Variants in FOXP1 observed in about 807,000 individuals in gnomAD.
The protein encoded by FOXP1 is forkhead box protein P1.
A neutral mutation model predicts 98.2 loss-of-function variants in FOXP1; 15 were observed. The ratio of observed to expected loss-of-function variants is 0.15; its 90% CI spans 0.10 to 0.24. FOXP1 has a LOEUF of 0.24. FOXP1 is among the 10% of genes least tolerant of loss of function. The pLI, the probability that FOXP1 is intolerant of heterozygous loss-of-function variation, is 1.00. For missense variants in FOXP1, 633 were observed against 848.5 expected (o/e 0.75, Z 3.15); for synonymous variants, 371 against 314.5 (o/e 1.18, Z -1.90).
chr3:71,488,421 G>A (rs1334095755), intron 3 of FOXP1, among the ~76,000 whole-genome samples: 1 of 152,168 alleles, frequency 6.6e-6, no homozygotes, highest in East Asian at 1.9e-4. Flanking sequence ...CTGGGGTGGG[G>A]GTGTGGAGGT....
chr3:71,175,153 C>T (rs1369339250), intron 6 of FOXP1, among the ~76,000 whole-genome samples: 3 of 152,174 alleles, frequency 2.0e-5, no homozygotes, highest in Non-Finnish European at 4.4e-5. Flanking sequence ...ACCTCGTGAT[C>T]CATCCGCCTT....
At chr3:71,254,365 A>C (rs151207119) in intron 5 of FOXP1, among the ~76,000 whole-genome samples, 48 of 152,320 alleles carry the variant, frequency 3.2e-4, no homozygotes, top group African/African-American at 1.1e-3. Context: ...ACCTATTAAG[A>C]GTCATGACTA....
intron 7 of FOXP1, among the ~76,000 whole-genome samples, chr3:71,076,803 C>A (rs975724481): frequency 2.6e-5 from 4 of 152,206 alleles, no homozygotes; most frequent in African/African-American, 9.7e-5. Context: ...CCAGCCTTGA[C>A]CTCAGCTGGG....
At chr3:71,440,268 T>TA (rs1210105586) in intron 3 of FOXP1, among the ~76,000 whole-genome samples, 1 of 152,066 alleles carries the variant, frequency 6.6e-6, no homozygotes, top group Non-Finnish European at 1.5e-5. Flanking sequence ...TTACCACAAT[T>TA]AAAAATAACA....
At chr3:71,403,627 T>C (rs1313085995) in intron 3 of FOXP1, among the ~76,000 whole-genome samples, 1 of 152,208 alleles carries the variant, frequency 6.6e-6, no homozygotes, top group Non-Finnish European at 1.5e-5. Context: ...GGTGGGTGGA[T>C]CACTTGCACC....
At position 71,149,676 on chromosome 3, in the gene FOXP1, GAATT is replaced by G. The variant is rs2060479996; in HGVS notation, c.181-37043_181-37040del. Among the ~76,000 whole-genome samples the G allele has an allele frequency of 3.3e-5, 5 of 152,234 alleles. No individual in the cohort carries two copies. The South Asian group carries it at 1.0e-3, about 32-fold the overall frequency. On this transcript the variant is annotated intron_variant, in intron 6 of 20. Coordinates refer to ENST00000649528, the MANE Select transcript of FOXP1 (RefSeq NM_001349338.3). ...AGGTATAGCCGATAAATACATAGAT[GAATT>G]ATGCCTCCATCTAATTCAGCTCGTG...
In FOXP1 at chr3:70,958,234, C is replaced by A; in HGVS notation, c.*1013G>T. Reference sequence around the variant, plus strand: ...AGAAAAGAAAAGAAAAAAAGAAAATCCGAAACACCCCTCCCCCGAACCACC... The same window carrying A: ...AGAAAAGAAAAGAAAAAAAGAAAATACGAAACACCCCTCCCCCGAACCACC... On this transcript the variant is annotated 3_prime_UTR_variant, in exon 21 of 21. Transcript: ENST00000649528. 2.1e-6 allele frequency: 1 copy of A among 472,440 alleles called. No individual in the cohort carries two copies. 29.3% of individuals were successfully genotyped at this position (472,440 alleles called of 1,614,324 possible).
intron 5 of FOXP1, among the ~76,000 whole-genome samples, chr3:71,271,693 T>C (rs1420817294): frequency 6.6e-6 from 1 of 152,222 alleles, no homozygotes; most frequent in Admixed American, 6.5e-5. Flanking sequence ...GAATATAACA[T>C]TTGTACTCAC....
At chr3:71,335,877 C>T (rs951478956) in intron 4 of FOXP1, among the ~76,000 whole-genome samples, 5 of 151,794 alleles carry the variant, frequency 3.3e-5, no homozygotes, top group African/African-American at 7.3e-5. Context: ...TGTTGGCGTG[C>T]ACCTGTAATT....
chr3:71,350,753 C>G (rs750677050), intron 4 of FOXP1, among the ~76,000 whole-genome samples: 1 of 152,136 alleles, frequency 6.6e-6, no homozygotes, highest in African/African-American at 2.4e-5. Flanking sequence ...TTCCTTCCAC[C>G]CTGTAATTCT....
chr3:71,517,909 T>C (rs964592224), intron 2 of FOXP1, among the ~76,000 whole-genome samples: 2 of 152,232 alleles, frequency 1.3e-5, no homozygotes, highest in Non-Finnish European at 2.9e-5. Context: ...TCCGCTGGCA[T>C]ATAAGTGTCA....
rs374262540 is a variant in FOXP1, at chr3:71,011,627, G to A, written c.974+3922C>T. The stretch of plus-strand genomic sequence containing the variant: ...CCTCATTTATTTATTTATTTTTTTC[G>A]CTTCAGCCAATTTAAGTTGGGTTTC... On this transcript the variant is annotated intron_variant, in intron 12 of 20. Transcript: ENST00000649528. Among the ~76,000 whole-genome samples, 23 of 151,834 alleles carry A rather than the reference G, an allele frequency of 1.5e-4. No individual in the cohort carries two copies. In the South Asian group the frequency reaches 4.0e-3, roughly 26 times the overall value.
At chr3:71,429,468 G>C (rs975455639) in intron 3 of FOXP1, among the ~76,000 whole-genome samples, 9 of 128,990 alleles carry the variant, frequency 7.0e-5, no homozygotes, top group Admixed American at 6.6e-4. Context: ...TGTGCTGCTC[G>C]TGAGAACTTG....
chr3:71,016,656 A>C (rs373576584), intron 11 of FOXP1, among the ~76,000 whole-genome samples: 51 of 146,264 alleles, frequency 3.5e-4, no homozygotes, highest in African/African-American at 1.3e-3. Flanking sequence ...TGATTACAAG[A>C]ACACACACAC....
chr3:71,467,014 A>C (rs1265269744), intron 3 of FOXP1, among the ~76,000 whole-genome samples: 1 of 152,222 alleles, frequency 6.6e-6, no homozygotes, highest in Non-Finnish European at 1.5e-5. Flanking sequence ...CAAGGCCAGA[A>C]AAACAAAAAG....
chr3:70,968,010 A>G (rs930871909), intron 19 of FOXP1, among the ~76,000 whole-genome samples: 1 of 152,130 alleles, frequency 6.6e-6, no homozygotes, highest in Non-Finnish European at 1.5e-5. Context: ...CCTCTAGAGA[A>G]GGCAACTTTC....
At chr3:71,479,331 AAC>A (rs1338731821) in intron 3 of FOXP1, among the ~76,000 whole-genome samples, 1 of 152,224 alleles carries the variant, frequency 6.6e-6, no homozygotes, top group Non-Finnish European at 1.5e-5. Flanking sequence ...GTAGGTTAAG[AAC>A]AGTCACTGTT....
At chr3:71,029,463 T>A (rs2046572055) in intron 11 of FOXP1, among the ~76,000 whole-genome samples, 1 of 151,896 alleles carries the variant, frequency 6.6e-6, no homozygotes, top group Non-Finnish European at 1.5e-5. Flanking sequence ...TGATCTCGGC[T>A]CACTGCAACC....
chr3:71,115,316 A>G (rs1399096525), intron 6 of FOXP1, among the ~76,000 whole-genome samples: 1 of 75,000 alleles, frequency 1.3e-5, no homozygotes, highest in African/African-American at 4.5e-5. Flanking sequence ...TATTATTATT[A>G]TTTTATTTAT....
Sources: allele counts gnomAD v4.1 joint callset (sites outside exome capture counted in the v4.1 genomes callset), GRCh38; gene constraint gnomAD v4.1.1; transcripts MANE v1.5; gene names NCBI Gene and HGNC (gene_info 2026-07-23, HGNC 2026-07-21).